ANKRD24: variants seen among roughly 807,000 people sequenced by gnomAD.
ANKRD24 encodes the protein ankyrin repeat domain-containing protein 24.
In ANKRD24, 109 loss-of-function variants were observed where a neutral mutation model predicts 127.8. The observed-to-expected ratio is 0.85, with a 90% CI of 0.73 to 1.00. The LOEUF (loss-of-function observed/expected upper bound fraction) is 1.00, where lower values mean the gene tolerates loss of function less well. ANKRD24 is among the 50% of genes least tolerant of loss of function. ANKRD24 has a pLI of 0.00. For synonymous variants in ANKRD24, 743 were observed against 671.1 expected (o/e 1.11, Z -1.66); for missense variants, 1,648 against 1,570.2 (o/e 1.05, Z -0.84).
intron 1 of ANKRD24, among the ~76,000 whole-genome samples, chr19:4,184,970 T>C (rs1196475987): frequency 2.5e-5 from 1 of 40,042 alleles, no homozygotes; most frequent in Non-Finnish European, 4.3e-5. Context: ...ATGGATGCAC[T>C]GGTGGGTGGG....
chr19:4,223,239 T>G (rs1162399721), intron 20 of ANKRD24, among the ~76,000 whole-genome samples: 1 of 151,346 alleles, frequency 6.6e-6, no homozygotes, highest in Non-Finnish European at 1.5e-5. Flanking sequence ...GGCCGCCCTC[T>G]GCCTTTTTTT....
intron 1 of ANKRD24, chr19:4,183,350 G>C: frequency 8.1e-6 from 8 of 986,240 alleles, no homozygotes; most frequent in Non-Finnish European, 8.4e-6. Context: ...GGTCAATGGG[G>C]CTGGTGGCCT....
chr19:4,202,935 AGCC>A lies in ANKRD24; in HGVS notation c.466+10_466+12del. 6.4e-7 allele frequency: 1 copy of A among 1,561,240 alleles called. No individual in the cohort carries two copies. The highest frequency in any genetic ancestry group is 8.7e-7 in the Non-Finnish European group (1 of 1,152,704). ...TGCCCTACACCATGCAGGTGGGTGCAGCCCAGCCCTGCCCTGACCCCGAAGCCC... is the reference window on the plus strand; with the variant it reads ...TGCCCTACACCATGCAGGTGGGTGCACAGCCCTGCCCTGACCCCGAAGCCC... On this transcript the variant is annotated intron_variant, in intron 7 of 21. Transcript: ENST00000318934.
chr19:4,201,439 C>T (rs1183420662), intron 5 of ANKRD24, among the ~76,000 whole-genome samples: 1 of 151,934 alleles, frequency 6.6e-6, no homozygotes, highest in Non-Finnish European at 1.5e-5. Flanking sequence ...GTAGTGGACC[C>T]TGTAGAGTAT....
At chr19:4,189,243 CTT>C (rs398033749) in intron 2 of ANKRD24, among the ~76,000 whole-genome samples, 8 of 73,948 alleles carry the variant, frequency 1.1e-4, no homozygotes, top group Middle Eastern at 0.024. Flanking sequence ...TTTCTTTCTT[CTT>C]TTTTTTTTTT....
chr19:4,224,296 A>G, intron 21 of ANKRD24, 104 bp downstream of exon 21: 1 of 1,421,010 alleles, frequency 7.0e-7, no homozygotes, highest in Non-Finnish European at 9.7e-7. Context: ...GTCTGGGGAG[A>G]GGTTCGTGGC....
At chr19:4,196,665 G>A (rs1015516395) in intron 2 of ANKRD24, among the ~76,000 whole-genome samples, 3 of 152,158 alleles carry the variant, frequency 2.0e-5, no homozygotes, top group South Asian at 2.1e-4. Flanking sequence ...GTGAGCCACC[G>A]CGCCTGGCCT....
At chr19:4,187,375 T>TGG (rs1968124394) in intron 2 of ANKRD24, among the ~76,000 whole-genome samples, 1 of 151,408 alleles carries the variant, frequency 6.6e-6, no homozygotes, top group Admixed American at 6.6e-5. Context: ...ATTGTGCCAT[T>TGG]GCACTGCAGC....
In ANKRD24 at chr19:4,195,008, C is replaced by G. The variant is rs1479357848; in HGVS notation, c.37-4675C>G. ...TTTCAGATGGAGTCTCGCTGTGTCTCCCAGGCTGGAGTGCAGTGGTGCGAT... is the reference window on the plus strand; with the variant it reads ...TTTCAGATGGAGTCTCGCTGTGTCTGCCAGGCTGGAGTGCAGTGGTGCGAT... On this transcript the variant is annotated intron_variant, in intron 2 of 21. Transcript: ENST00000318934. The surrounding 1 kb of genome is among the most constrained non-coding windows in gnomAD (Gnocchi z 4.2). Among the ~76,000 whole-genome samples, 1 of 152,012 alleles carries G rather than the reference C, an allele frequency of 6.6e-6. No individual in the cohort carries two copies. Among genetic ancestry groups the G allele is most frequent in the Non-Finnish European group, 1.5e-5 (1 of 68,006 alleles).
intron 19 of ANKRD24, among the ~76,000 whole-genome samples, chr19:4,221,338 G>C (rs1599472629): frequency 6.6e-6 from 1 of 151,958 alleles, no homozygotes; most frequent in East Asian, 1.9e-4. Flanking sequence ...AAAGTGCTGG[G>C]ATTACAGTCA....
chr19:4,212,458 C>A lies in ANKRD24; in HGVS notation c.1060-17C>A. The A allele has an allele frequency of 6.4e-7, 1 of 1,574,520 alleles. No homozygotes were observed. Among genetic ancestry groups the A allele is most frequent in the Non-Finnish European group, 8.6e-7 (1 of 1,162,128 alleles). On this transcript the variant is annotated splice_polypyrimidine_tract_variant and intron_variant, in intron 13 of 21. Coordinates refer to ENST00000318934, the MANE Select transcript of ANKRD24 (RefSeq NM_001393985.1). Reference sequence around the variant, plus strand: ...TCTTGCCCAGATCCAAACCCCTGTCCCTGTTTCTCCCGTCAGTCCCCGGAG... The same window carrying A: ...TCTTGCCCAGATCCAAACCCCTGTCACTGTTTCTCCCGTCAGTCCCCGGAG...
At chr19:4,209,019 C>T in intron 11 of ANKRD24, 1 of 306,618 alleles carries the variant, frequency 3.3e-6, no homozygotes. Context: ...AATTATGGGG[C>T]TGGGGTGGGA....
chr19:4,222,717 G>A lies in ANKRD24; in HGVS notation c.3219G>A (p.Lys1073=). 1 of 1,612,432 alleles carries A rather than the reference G, an allele frequency of 6.2e-7. No individual in the cohort carries two copies. The highest frequency in any genetic ancestry group is 8.5e-7 in the Non-Finnish European group (1 of 1,179,020). Residue 1073 remains lysine (K), a synonymous_variant, in exon 20 of 22, where the codon AAG becomes AAA. Coordinates refer to ENST00000318934, the MANE Select transcript of ANKRD24 (RefSeq NM_001393985.1). ...KEVFNLKEAL[K]EQPAALATPE... is the part of the protein sequence containing the mutation. ...TCTTCAATCTTAAGGAAGCCTTGAAGGAGCAGCCGGCCGCCCTCGCCACCC... is the reference window on the plus strand; with the variant it reads ...TCTTCAATCTTAAGGAAGCCTTGAAAGAGCAGCCGGCCGCCCTCGCCACCC...
At position 4,208,855 on chromosome 19, in the gene ANKRD24, T is replaced by C. The variant is rs889280629; in HGVS notation, c.870+54T>C. 1.9e-6 allele frequency: 3 copies of C among 1,566,910 alleles called. No homozygotes were observed. The African/African-American group carries it at 4.1e-5, about 21-fold the overall frequency. On this transcript the variant is annotated intron_variant, in intron 11 of 21. Coordinates refer to ENST00000318934, the MANE Select transcript of ANKRD24 (RefSeq NM_001393985.1). ...CCTCCTCCCTGCATCCACACTAACT[T>C]CTCCCCTGCCCCAAGCTCTGTGAGA...
chr19:4,191,296 AC>A (rs551156201), intron 2 of ANKRD24, among the ~76,000 whole-genome samples: 79 of 111,778 alleles, frequency 7.1e-4, no homozygotes, highest in Non-Finnish European at 2.4e-4. Flanking sequence ...GAAAGCAAAC[AC>A]CCATGACTGC....
intron 10 of ANKRD24, 58 bp from the exon 11 acceptor site, chr19:4,208,706 C>T: frequency 6.4e-7 from 1 of 1,561,796 alleles, no homozygotes; most frequent in Non-Finnish European, 8.8e-7. Context: ...TGGGGCCCAC[C>T]AATGCCCTTC....
chr19:4,185,410 C>T (rs975281005), intron 1 of ANKRD24, among the ~76,000 whole-genome samples: 1 of 151,982 alleles, frequency 6.6e-6, no homozygotes, highest in Non-Finnish European at 1.5e-5. Context: ...GGAGAATTCA[C>T]GAGTAGATAG....
intron 15 of ANKRD24, among the ~76,000 whole-genome samples, chr19:4,214,963 G>A (rs1477746880): frequency 6.6e-6 from 1 of 152,142 alleles, no homozygotes; most frequent in African/African-American, 2.4e-5. Flanking sequence ...CACACCTCCA[G>A]CCAGCTCTTT....
chr19:4,198,533 G>A lies in ANKRD24; in HGVS notation c.37-1150G>A. ...TCTGTGCGCAGCCGCCTCCTTCGCG[G>A]TAGGGCCCGGGGAGGGGGCGCAGGA... On this transcript the variant is annotated intron_variant, in intron 2 of 21. Transcript: ENST00000318934. The surrounding 1 kb of genome is among the most constrained non-coding windows in gnomAD (Gnocchi z 6.1). 1.7e-6 allele frequency: 1 copy of A among 597,302 alleles called. No homozygotes were observed. The highest frequency in any genetic ancestry group is 3.0e-6 in the Non-Finnish European group (1 of 331,916). 37.0% of individuals were successfully genotyped at this position (597,302 alleles called of 1,614,324 possible).
Sources: gnomAD v4.1 joint callset for allele counts (sites outside exome capture counted in the v4.1 genomes callset) on GRCh38, gnomAD v4.1.1 for gene constraint, Gnocchi (gnomAD v3.1) non-coding constraint, MANE v1.5 for transcripts, NCBI Gene and HGNC (gene_info 2026-07-23, HGNC 2026-07-21) for gene names.